Variants in NGEF observed in about 807,000 individuals in gnomAD.
NGEF encodes ephexin-1.
Under a neutral mutation model 80.9 loss-of-function variants are expected in NGEF, and 31 were observed. The observed-to-expected ratio is 0.38, with a 90% confidence interval of 0.29 to 0.52. The LOEUF (loss-of-function observed/expected upper bound fraction) is 0.52. NGEF is among the 20% of genes least tolerant of loss of function. The pLI, the probability that NGEF is intolerant of heterozygous loss-of-function variation, is 0.84. For synonymous variants in NGEF, 371 were observed against 370.2 expected (o/e 1.00, Z -0.03); for missense variants, 709 against 926.2 (o/e 0.77, Z 3.04).
At chr2:232,996,780 C>A (rs1219591419) in intron 1 of NGEF, among the ~76,000 whole-genome samples, 8 of 152,130 alleles carry the variant, frequency 5.3e-5, no homozygotes, top group Non-Finnish European at 1.2e-4. Flanking sequence ...CAGGTGTGAG[C>A]CACAGCGCCT....
In NGEF at chr2:232,916,601, T is replaced by C. The variant is rs1434590727; in HGVS notation, c.828+3683A>G. On this transcript the variant is annotated intron_variant, in intron 5 of 14. Coordinates refer to ENST00000264051, the MANE Select transcript of NGEF (RefSeq NM_019850.3). The stretch of plus-strand genomic sequence containing the variant: ...AAGCAATGGAAACAGGCAATAAACA[T>C]GTGAAAAGATGCTCAAATTTACAAG... 2.6e-5 allele frequency among the ~76,000 whole-genome samples: 4 copies of C among 151,932 alleles called. No individual in the cohort carries two copies. The East Asian group carries it at 7.7e-4, about 29-fold the overall frequency.
intron 4 of NGEF, among the ~76,000 whole-genome samples, chr2:232,920,912 G>C (rs1692929222): frequency 6.6e-6 from 1 of 152,178 alleles, no homozygotes; most frequent in Non-Finnish European, 1.5e-5. Flanking sequence ...CCACCACCAA[G>C]TTGATGGGAA....
At chr2:232,958,706 A>G (rs1286135056) in intron 3 of NGEF, among the ~76,000 whole-genome samples, 1 of 152,194 alleles carries the variant, frequency 6.6e-6, no homozygotes, top group Non-Finnish European at 1.5e-5. Context: ...GTCTTTTTGT[A>G]TTTTAAAAAA....
At chr2:232,983,605 T>C (rs1458204306) in intron 1 of NGEF, among the ~76,000 whole-genome samples, 1 of 152,014 alleles carries the variant, frequency 6.6e-6, no homozygotes, top group East Asian at 1.9e-4. Flanking sequence ...GCTGCAGAAC[T>C]CATTAACACG....
At chr2:232,903,821 T>G (rs914765732) in intron 5 of NGEF, among the ~76,000 whole-genome samples, 2 of 152,236 alleles carry the variant, frequency 1.3e-5, no homozygotes, top group African/African-American at 4.8e-5. Context: ...ATGATCACAA[T>G]GTAATTTTTT....
chr2:232,946,979 A>G lies in NGEF; in HGVS notation c.384-19793T>C, dbSNP rs137999944. Among the ~76,000 whole-genome samples the G allele has an allele frequency of 4.3e-3, 648 of 152,304 alleles. 3 individuals carry two copies. Among genetic ancestry groups the G allele is most frequent in the Non-Finnish European group, 6.0e-3 (408 of 68,022 alleles). On this transcript the variant is annotated intron_variant, in intron 3 of 14. Transcript: ENST00000264051. The stretch of plus-strand genomic sequence containing the variant: ...CAGAAGAAAATCAACTAATGTAAGT[A>G]TGAGGAGTGCTAGAACATTCCCATT...
At chr2:232,979,042 C>T (rs912501160) in intron 1 of NGEF, among the ~76,000 whole-genome samples, 1 of 152,140 alleles carries the variant, frequency 6.6e-6, no homozygotes, top group Non-Finnish European at 1.5e-5. Flanking sequence ...TGCAACGACG[C>T]CCACACCATA....
chr2:232,996,996 T>C (rs1382766361), intron 1 of NGEF, among the ~76,000 whole-genome samples: 1 of 152,212 alleles, frequency 6.6e-6, no homozygotes, highest in African/African-American at 2.4e-5. Context: ...CTCTGACTTC[T>C]AACAGTTTAT....
chr2:232,964,219 C>T (rs1386848276), intron 3 of NGEF, among the ~76,000 whole-genome samples: 2 of 152,102 alleles, frequency 1.3e-5, no homozygotes, highest in African/African-American at 4.8e-5. Flanking sequence ...ATTCTAAGAC[C>T]TAGCAAGTCC....
rs201519879 is a variant in NGEF, at chr2:232,995,451, TATACTGACAGTATAC to T, written c.-75+17602_-75+17616del. On this transcript the variant is annotated intron_variant, in intron 1 of 14. Coordinates refer to ENST00000264051, the MANE Select transcript of NGEF (RefSeq NM_019850.3). The stretch of plus-strand genomic sequence containing the variant: ...ATACTGTATATATATACACAGTATG[TATACTGACAGTATAC>T]ATACTGTATATATACACAGTATGTA... Among the ~76,000 whole-genome samples, 10 of 14,892 alleles carry T rather than the reference TATACTGACAGTATAC, an allele frequency of 6.7e-4. 5 individuals carry two copies. The highest frequency in any genetic ancestry group is 2.9e-3 in the African/African-American group (10 of 3,458). 9.8% of individuals were successfully genotyped at this position (14,892 alleles called of 152,430 possible).
intron 1 of NGEF, among the ~76,000 whole-genome samples, chr2:233,002,743 G>A (rs564027647): frequency 2.4e-4 from 36 of 152,312 alleles, no homozygotes; most frequent in African/African-American, 7.5e-4. Flanking sequence ...AAATGACCTC[G>A]GTAAGCCAGA....
At chr2:232,888,502 A>T (rs1691775672) in intron 8 of NGEF, among the ~76,000 whole-genome samples, 1 of 151,218 alleles carries the variant, frequency 6.6e-6, no homozygotes, top group Admixed American at 6.6e-5. Context: ...CACGTGTACA[A>T]ACATGCATAC....
At chr2:232,907,019 C>G (rs1299789052) in intron 5 of NGEF, among the ~76,000 whole-genome samples, 7 of 151,508 alleles carry the variant, frequency 4.6e-5, no homozygotes, top group Non-Finnish European at 1.0e-4. Context: ...TCCCTAATCT[C>G]AAGTACCCAG....
chr2:232,989,916 G>T (rs539896399), intron 1 of NGEF, among the ~76,000 whole-genome samples: 1 of 152,228 alleles, frequency 6.6e-6, no homozygotes, highest in East Asian at 1.9e-4. Flanking sequence ...CCAGCAAAAA[G>T]CTTTAAAGAT....
At chr2:232,954,620 G>C (rs2106308929) in intron 3 of NGEF, among the ~76,000 whole-genome samples, 1 of 152,126 alleles carries the variant, frequency 6.6e-6, no homozygotes. Context: ...AGCTACTCGG[G>C]AGGCTGAGGC....
At chr2:232,903,098 C>T (rs905223715) in intron 5 of NGEF, among the ~76,000 whole-genome samples, 1 of 152,220 alleles carries the variant, frequency 6.6e-6, no homozygotes, top group African/African-American at 2.4e-5. Context: ...GACCAGCACA[C>T]TCATATGTGG....
chr2:232,939,276 T>C lies in NGEF; in HGVS notation c.384-12090A>G, dbSNP rs1693392893. On this transcript the variant is annotated intron_variant, in intron 3 of 14. Transcript: ENST00000264051. ...ATTCATCTTAAATCACCTCATAAAC[T>C]ACATAGTTAAATCTAATGTAGTTCC... Among the ~76,000 whole-genome samples the C allele has an allele frequency of 2.0e-5, 3 of 148,692 alleles. No individual in the cohort carries two copies. In the South Asian group the frequency reaches 6.7e-4, roughly 33 times the overall value.
chr2:232,923,792 G>C (rs1042355777), intron 4 of NGEF, among the ~76,000 whole-genome samples: 1 of 152,206 alleles, frequency 6.6e-6, no homozygotes, highest in Non-Finnish European at 1.5e-5. Context: ...GCATAGCCTG[G>C]CTGCAGTGGT....
intron 4 of NGEF, among the ~76,000 whole-genome samples, chr2:232,921,556 A>C (rs1478853069): frequency 1.3e-5 from 2 of 151,572 alleles, no homozygotes; most frequent in Non-Finnish European, 2.9e-5. Context: ...GGCTCCAGTG[A>C]TTCCCCTGCC....
Sources: gnomAD v4.1 joint callset for allele counts (sites outside exome capture counted in the v4.1 genomes callset) on GRCh38, gnomAD v4.1.1 for gene constraint, MANE v1.5 for transcripts, NCBI Gene and HGNC (gene_info 2026-07-23, HGNC 2026-07-21) for gene names.